The following CACNA1H variants were observed in gnomAD, a reference collection of about 807,000 sequenced individuals.
The protein encoded by CACNA1H is calcium voltage-gated channel subunit alpha1 H.
A neutral mutation model predicts 192.5 loss-of-function variants in CACNA1H; 149 were observed. The observed-to-expected ratio is 0.77, with a 90% CI of 0.68 to 0.89. The LOEUF (loss-of-function observed/expected upper bound fraction) is 0.89, where lower values mean the gene tolerates loss of function less well. Among genes scored for constraint, CACNA1H ranks in the 40% least tolerant of loss-of-function variants. CACNA1H has a pLI of 0.00. For missense variants in CACNA1H, 4,257 were observed against 3,423.5 expected, an observed-to-expected ratio of 1.24 and a Z score of -6.08; for synonymous variants, 2,202 against 1,475.2, an observed-to-expected ratio of 1.49 and a Z score of -11.29.
intron 30 of CACNA1H, 89 bp downstream of exon 30, chr16:1,215,682 G>A (rs960903457): frequency 2.5e-5 from 25 of 1,016,754 alleles, no homozygotes; most frequent in South Asian, 1.1e-4. Flanking sequence ...CCCCTCACTC[G>A]TTTCTCTGGT....
At chr16:1,192,704 T>C (rs1966728415) in intron 2 of CACNA1H, among the ~76,000 whole-genome samples, 1 of 152,106 alleles carries the variant, frequency 6.6e-6, no homozygotes. Context: ...CACCCTCTGC[T>C]CCAGCCTGGA....
chr16:1,219,858 C>T (rs1200519818), intron 34 of CACNA1H, 123 bp from the exon 35 acceptor site: 6 of 679,626 alleles, frequency 8.8e-6, no homozygotes, highest in African/African-American at 1.9e-5. Flanking sequence ...GGTCAGGAGC[C>T]ACCCAGGGGA....
At chr16:1,192,154 C>G (rs1218973367) in intron 2 of CACNA1H, among the ~76,000 whole-genome samples, 1 of 152,240 alleles carries the variant, frequency 6.6e-6, no homozygotes, top group Non-Finnish European at 1.5e-5. Context: ...CCCCACTAAA[C>G]CAGACGGTCC....
rs1235640011 is a variant in CACNA1H at position 1,195,025 on chromosome 16, G to C, written c.353G>C (p.Gly118Ala). The change falls in exon 3 of 35, where the codon GGC becomes GCC. Residue 118 changes from glycine (G) to alanine (A), a missense_variant. Gly to Ala is a moderately conservative substitution (Grantham distance 60). Coordinates refer to ENST00000348261, the MANE Select transcript of CACNA1H (RefSeq NM_021098.3). ...LVIMLNCVTL[G>A]MFRPCEDVEC... is the part of the protein sequence containing the mutation. ...ATCATGCTCAACTGCGTGACCCTGGGCATGTTCCGGCCCTGTGAGGACGTT... is the reference window on the plus strand; with the variant it reads ...ATCATGCTCAACTGCGTGACCCTGGCCATGTTCCGGCCCTGTGAGGACGTT... The C allele has an allele frequency of 2.5e-6, 4 of 1,611,988 alleles. No individual in the cohort carries two copies. The African/African-American group carries it at 5.3e-5, about 22-fold the overall frequency.
At chr16:1,176,474 T>C (rs756551491) in intron 2 of CACNA1H, among the ~76,000 whole-genome samples, 6 of 152,202 alleles carry the variant, frequency 3.9e-5, no homozygotes, top group Admixed American at 2.6e-4. Context: ...TTTCTGCAGG[T>C]GGGCATGGCA....
intron 2 of CACNA1H, among the ~76,000 whole-genome samples, chr16:1,154,672 A>C (rs969695494): frequency 1.3e-5 from 2 of 152,092 alleles, no homozygotes; most frequent in African/African-American, 4.8e-5. Context: ...GCAGGGAGGC[A>C]ATTGGCACTG....
rs372320620 is a variant in CACNA1H, at chr16:1,166,642, C to T, written c.299+12606C>T. On this transcript the variant is annotated intron_variant, in intron 2 of 34. Coordinates refer to ENST00000348261, the MANE Select transcript of CACNA1H (RefSeq NM_021098.3). ...CTCGGCGTCTCCCGCTGGCCTTTTC[C>T]GTCTCCGAGGTTGGCCTGTTCTGGA... Among the ~76,000 whole-genome samples, 23 of 152,216 alleles carry T rather than the reference C, an allele frequency of 1.5e-4. No homozygotes were observed. The East Asian group carries it at 2.7e-3, about 18-fold the overall frequency.
chr16:1,174,835 G>T (rs1412092394), intron 2 of CACNA1H, among the ~76,000 whole-genome samples: 2 of 152,232 alleles, frequency 1.3e-5, no homozygotes, highest in Admixed American at 6.5e-5. Flanking sequence ...CGTGGCCCTG[G>T]CCTCGAGGCT....
At chr16:1,201,194 G>A (rs1021567618) in intron 8 of CACNA1H, among the ~76,000 whole-genome samples, 1 of 152,154 alleles carries the variant, frequency 6.6e-6, no homozygotes, top group African/African-American at 2.4e-5. Flanking sequence ...TGGGGTCCTA[G>A]GTATACCTAG....
At position 1,206,263 on chromosome 16, in the gene CACNA1H, G is replaced by T. The variant is rs1260793774; in HGVS notation, c.2763G>T (p.Leu921=). The change falls in exon 12 of 35, where the codon CTG becomes CTT. Residue 921 remains leucine (L), a synonymous_variant. Transcript: ENST00000348261. ...TMDNVATFCT[L]LMLFIFIFSI... ...ACAACGTGGCTACCTTCTGCACGCT[G>T]CTCATGCTCTTCATTTTCATCTTCA... The T allele has an allele frequency of 3.8e-6, 6 of 1,568,376 alleles. No individual in the cohort carries two copies. In the East Asian group the frequency reaches 9.4e-5, roughly 25 times the overall value.
intron 2 of CACNA1H, among the ~76,000 whole-genome samples, chr16:1,160,765 C>T (rs964113694): frequency 1.3e-5 from 2 of 152,170 alleles, no homozygotes; most frequent in African/African-American, 2.4e-5. Flanking sequence ...CCTCTTGCTG[C>T]CGCCCGGTCG....
rs535609762 is a variant in CACNA1H, at chr16:1,202,203, C to T, written c.1753C>T (p.Pro585Ser). 481 of 1,553,322 alleles carry T rather than the reference C, an allele frequency of 3.1e-4. 1 individual carries two copies. The highest frequency in any genetic ancestry group is 4.0e-4 in the Non-Finnish European group (459 of 1,149,508). ...IYHADCHIEG[P>S]QERARVAHAA... is the part of the protein sequence containing the mutation. Reference sequence around the variant, plus strand: ...CCATGCCGACTGCCACATAGAGGGGCCGCAGGAGAGGGCCCGGGTGGCACA... The same window carrying T: ...CCATGCCGACTGCCACATAGAGGGGTCGCAGGAGAGGGCCCGGGTGGCACA... The change falls in exon 9 of 35, where the codon CCG becomes TCG. Residue 585 changes from proline (P) to serine (S), a missense_variant. Pro to Ser is a moderately conservative substitution (Grantham distance 74). Transcript: ENST00000348261.
intron 16 of CACNA1H, 26 bp downstream of exon 16, chr16:1,208,247 C>T (rs761753380): frequency 2.9e-5 from 44 of 1,508,934 alleles, no homozygotes; most frequent in Non-Finnish European, 3.8e-5. Context: ...TGCCCCAGCT[C>T]TCAGGCCCCT....
In CACNA1H at chr16:1,220,511, G is replaced by A. The variant is rs200017975; in HGVS notation, c.6579G>A (p.Ser2193=). Residue 2193 remains serine (S), a synonymous_variant, in exon 35 of 35, where the codon TCG becomes TCA. Coordinates refer to ENST00000348261, the MANE Select transcript of CACNA1H (RefSeq NM_021098.3). ...AGAAGATGAGCCCCCCCTGCATCTC[G>A]GTGGAACCCCCTGCGGAGGACGAGG... The part of the protein sequence containing the change: ...RKKKMSPPCI[S]VEPPAEDEGS... The A allele has an allele frequency of 1.5e-3, 2,377 of 1,540,164 alleles. 45 individuals carry two copies. The South Asian group carries it at 0.022, about 14-fold the overall frequency.
At chr16:1,172,456 C>T (rs1483755300) in intron 2 of CACNA1H, among the ~76,000 whole-genome samples, 2 of 151,948 alleles carry the variant, frequency 1.3e-5, no homozygotes, top group African/African-American at 4.8e-5. Context: ...TGGGCCTGGC[C>T]CGCCTCCGTC....
At chr16:1,205,460 G>A (rs546595963) in intron 11 of CACNA1H, among the ~76,000 whole-genome samples, 195 bp downstream of exon 11, 35 of 152,320 alleles carry the variant, frequency 2.3e-4, no homozygotes, top group African/African-American at 7.7e-4. Context: ...CTCCCCAGAC[G>A]CTATGCTTCC....
chr16:1,162,772 A>T (rs1252251628), intron 2 of CACNA1H, among the ~76,000 whole-genome samples: 1 of 152,060 alleles, frequency 6.6e-6, no homozygotes, highest in Non-Finnish European at 1.5e-5. Flanking sequence ...CTGGGAGGAC[A>T]GTGTCCAAGC....
intron 29 of CACNA1H, 49 bp downstream of exon 29, chr16:1,215,424 G>C: frequency 6.3e-7 from 1 of 1,588,446 alleles, no homozygotes; most frequent in Non-Finnish European, 8.6e-7. Flanking sequence ...GGAGGGTGGG[G>C]GCTCAGCCAT....
At chr16:1,196,084 A>C (rs1966933522) in intron 5 of CACNA1H, 61 bp downstream of exon 5, 1 of 1,366,112 alleles carries the variant, frequency 7.3e-7, no homozygotes, top group Admixed American at 1.8e-5. Context: ...CCAGCCCTGC[A>C]GAGCTCTCAA....
Sources: allele counts gnomAD v4.1 joint callset (sites outside exome capture counted in the v4.1 genomes callset), GRCh38; gene constraint gnomAD v4.1.1; transcripts MANE v1.5; gene names NCBI Gene and HGNC (gene_info 2026-07-23, HGNC 2026-07-21).